The following FGF12 variants were observed in gnomAD, a reference collection of about 807,000 sequenced individuals.
The protein encoded by FGF12 is fibroblast growth factor 12.
In FGF12, 14 loss-of-function variants were observed where a neutral mutation model predicts 23.6. The ratio of observed to expected loss-of-function variants is 0.59; its 90% CI spans 0.39 to 0.93. The LOEUF is 0.93. FGF12 is among the 40% of genes least tolerant of loss of function. FGF12 has a pLI of 0.00. For missense variants in FGF12, 175 were observed against 217.8 expected (o/e 0.80, Z 1.24); for synonymous variants, 62 against 77.3 (o/e 0.80, Z 1.04).
chr3:192,446,544 C>T (rs917915769), intron 2 of FGF12, among the ~76,000 whole-genome samples: 8 of 152,164 alleles, frequency 5.3e-5, no homozygotes, highest in Admixed American at 2.6e-4. Flanking sequence ...CAGATGGCCT[C>T]GTAGAAGTTC....
intron 2 of FGF12, among the ~76,000 whole-genome samples, chr3:192,465,266 C>A (rs181587253): frequency 2.0e-5 from 3 of 152,120 alleles, no homozygotes; most frequent in South Asian, 2.1e-4. Flanking sequence ...AAAGAAATAG[C>A]CTGGCAACAG....
chr3:192,381,513 T>C (rs947935456), intron 2 of FGF12, among the ~76,000 whole-genome samples: 1 of 152,018 alleles, frequency 6.6e-6, no homozygotes, highest in Non-Finnish European at 1.5e-5. Flanking sequence ...AGAAACTAAA[T>C]AAATAATGCC....
intron 2 of FGF12, among the ~76,000 whole-genome samples, chr3:192,493,805 T>C (rs1723870522): frequency 2.0e-5 from 3 of 152,078 alleles, no homozygotes; most frequent in Admixed American, 2.0e-4. Context: ...TGGTGTTCAA[T>C]CAGGAAAAAC....
chr3:192,613,767 C>T (rs1489281415), intron 2 of FGF12, among the ~76,000 whole-genome samples: 6 of 151,880 alleles, frequency 4.0e-5, no homozygotes, highest in African/African-American at 1.4e-4. Context: ...TTATTGGAAA[C>T]ATCCAAAATG....
Position 192,142,373 on chromosome 3 carries a change from T to C in FGF12, c.*1636A>G, listed in dbSNP as rs1190104277. The C allele has an allele frequency of 6.6e-6, 1 of 152,520 alleles. No homozygotes were observed. Among genetic ancestry groups the C allele is most frequent in the Non-Finnish European group, 1.5e-5 (1 of 67,942 alleles). The allele number at this position is 152,520 out of a possible 1,614,324, so 9.4% of individuals were successfully genotyped here. On this transcript the variant is annotated 3_prime_UTR_variant, in exon 6 of 6. Transcript: ENST00000445105. The stretch of plus-strand genomic sequence containing the variant: ...AGAGCTTCTGCAAAGTGTATATATT[T>C]TAGGGAGTCATATTTGGAACAATAC...
chr3:192,523,234 A>T (rs1460296913), intron 2 of FGF12, among the ~76,000 whole-genome samples: 3 of 152,196 alleles, frequency 2.0e-5, no homozygotes, highest in African/African-American at 7.2e-5. Flanking sequence ...CTAAGTGAAC[A>T]TCATAACTTC....
chr3:192,200,171 A>T lies in FGF12; in HGVS notation c.229-29515T>A, dbSNP rs142137574. ...ATCTCTAATAAAATACAAAAAAAAA[A>T]AAAAATAATTAGCCGGGTGTGGCTG... On this transcript the variant is annotated intron_variant, in intron 4 of 5. Coordinates refer to ENST00000445105, the MANE Select transcript of FGF12 (RefSeq NM_004113.6). 3.7e-3 allele frequency among the ~76,000 whole-genome samples: 563 copies of T among 151,846 alleles called. 18 individuals are homozygous for T. Among genetic ancestry groups the T allele is most frequent in the Admixed American group, 0.031 (470 of 15,248 alleles).
chr3:192,169,887 CAG>C (rs1335077736), intron 5 of FGF12, among the ~76,000 whole-genome samples: 3 of 147,522 alleles, frequency 2.0e-5, no homozygotes, highest in Non-Finnish European at 3.0e-5. Flanking sequence ...AATAAATGAA[CAG>C]AGAATTAAAT....
At chr3:192,214,338 A>C (rs1212961304) in intron 4 of FGF12, among the ~76,000 whole-genome samples, 1 of 152,254 alleles carries the variant, frequency 6.6e-6, no homozygotes, top group Non-Finnish European at 1.5e-5. Context: ...AAATAATAAC[A>C]GTGAATCTCT....
At chr3:192,438,195 T>C (rs563741602) in intron 2 of FGF12, among the ~76,000 whole-genome samples, 2 of 152,346 alleles carry the variant, frequency 1.3e-5, no homozygotes, top group South Asian at 2.1e-4. Context: ...ACATGTGCTA[T>C]AAAAGCATCT....
intron 2 of FGF12, among the ~76,000 whole-genome samples, chr3:192,611,122 A>ATT (rs1714535729): frequency 6.6e-6 from 1 of 152,070 alleles, no homozygotes; most frequent in Admixed American, 6.6e-5. Flanking sequence ...ATCACTTAAT[A>ATT]ATCAGCTATA....
chr3:192,685,293 C>T (rs962957178), intron 2 of FGF12, among the ~76,000 whole-genome samples: 5 of 152,156 alleles, frequency 3.3e-5, no homozygotes, highest in South Asian at 2.1e-4. Context: ...CCTCGTGATC[C>T]GCCCGCCTCG....
chr3:192,727,269 C>T lies in FGF12; in HGVS notation c.-76G>A, dbSNP rs1719250963. 1 of 1,554,794 alleles carries T rather than the reference C, an allele frequency of 6.4e-7. No homozygotes were observed. The highest frequency in any genetic ancestry group is 2.0e-5 in the Admixed American group (1 of 51,224). On this transcript the variant is annotated 5_prime_UTR_variant, in exon 2 of 6. Coordinates refer to ENST00000445105, the MANE Select transcript of FGF12 (RefSeq NM_004113.6). Reference sequence around the variant, plus strand: ...GTGGGCCCGCTTCAGATTCCCAAATCTGGGAAGCCAATCTGATGATTTCGC... The same window carrying T: ...GTGGGCCCGCTTCAGATTCCCAAATTTGGGAAGCCAATCTGATGATTTCGC...
chr3:192,295,988 C>T (rs563368224), intron 4 of FGF12, among the ~76,000 whole-genome samples: 1 of 151,496 alleles, frequency 6.6e-6, no homozygotes, highest in South Asian at 2.1e-4. Flanking sequence ...CTCAAGCGAT[C>T]CTCCCACCTC....
intron 4 of FGF12, among the ~76,000 whole-genome samples, chr3:192,225,322 C>T (rs1718677463): frequency 6.6e-6 from 1 of 152,068 alleles, no homozygotes; most frequent in South Asian, 2.1e-4. Flanking sequence ...CATTCTCTGC[C>T]CCACCATCCC....
At chr3:192,628,858 G>C (rs565270322) in intron 2 of FGF12, among the ~76,000 whole-genome samples, 13 of 151,364 alleles carry the variant, frequency 8.6e-5, no homozygotes, top group African/African-American at 3.1e-4. Flanking sequence ...CAATCCTATC[G>C]GTTCCGTTTC....
At chr3:192,534,482 G>A (rs914480655) in intron 2 of FGF12, among the ~76,000 whole-genome samples, 15 of 152,046 alleles carry the variant, frequency 9.9e-5, no homozygotes, top group Admixed American at 4.6e-4. Flanking sequence ...TGCAACCTCC[G>A]CCTCCTGGGT....
chr3:192,401,454 T>G (rs969832123), intron 2 of FGF12, among the ~76,000 whole-genome samples: 1 of 152,234 alleles, frequency 6.6e-6, no homozygotes, highest in Non-Finnish European at 1.5e-5. Flanking sequence ...ATATTTTTTA[T>G]GAAAATCGTT....
Position 192,545,541 on chromosome 3 carries a change from T to C in FGF12, c.13+181640A>G, listed in dbSNP as rs150243504. Among the ~76,000 whole-genome samples, 235 of 152,276 alleles carry C rather than the reference T, an allele frequency of 1.5e-3. 2 individuals are homozygous for C. The highest frequency in any genetic ancestry group is 5.5e-3 in the African/African-American group (230 of 41,542). ...TAGCAAAGCTGTGAATTACGTCCCA[T>C]AGCTATAGCTTGTCTCAGCTGGCCC... On this transcript the variant is annotated intron_variant, in intron 2 of 5. Transcript: ENST00000445105.
Sources: allele counts gnomAD v4.1 joint callset (sites outside exome capture counted in the v4.1 genomes callset), GRCh38; gene constraint gnomAD v4.1.1; transcripts MANE v1.5; gene names NCBI Gene and HGNC (gene_info 2026-07-23, HGNC 2026-07-21).